Variants in WDR5 observed in about 807,000 individuals in gnomAD.
WDR5 encodes the protein WD repeat-containing protein 5.
For synonymous variants in WDR5, 144 were observed against 161.6 expected (o/e 0.89, Z 0.83); for missense variants, 187 against 416.9 (o/e 0.45, Z 4.80).
At chr9:134,140,627 G>C in intron 2 of WDR5, 76 bp from the exon 3 acceptor site, 1 of 1,178,750 alleles carries the variant, frequency 8.5e-7, no homozygotes, top group South Asian at 1.2e-5. Flanking sequence ...ATTAAATGGT[G>C]GGAGTCAAAA....
intron 12 of WDR5, 152 bp downstream of exon 12, chr9:134,155,919 G>T (rs1273615931): frequency 2.8e-6 from 2 of 721,814 alleles, no homozygotes; most frequent in South Asian, 1.8e-5. Flanking sequence ...GCCAAGTACC[G>T]GGGACACCTT....
At chr9:134,139,295 G>T (rs760604394) in intron 1 of WDR5, among the ~76,000 whole-genome samples, 1 of 152,136 alleles carries the variant, frequency 6.6e-6, no homozygotes, top group Admixed American at 6.6e-5. Flanking sequence ...AGGCACTGGA[G>T]CCCCCCCATG....
At chr9:134,154,585 C>T (rs1157745915) in intron 10 of WDR5, 44 bp downstream of exon 10, 2 of 1,597,018 alleles carry the variant, frequency 1.3e-6, no homozygotes, top group South Asian at 2.2e-5. Flanking sequence ...GTGGCCTCCC[C>T]AGCCAGAGAC....
intron 3 of WDR5, among the ~76,000 whole-genome samples, chr9:134,141,127 CA>C (rs1462745745): frequency 6.6e-6 from 1 of 151,948 alleles, no homozygotes; most frequent in African/African-American, 2.4e-5. Flanking sequence ...ATTAAAAATA[CA>C]AAAAAAGATT....
chr9:134,141,322 C>G (rs906610863), intron 3 of WDR5, among the ~76,000 whole-genome samples, 188 bp from the exon 4 acceptor site: 1 of 151,968 alleles, frequency 6.6e-6, no homozygotes, highest in African/African-American at 2.4e-5. Flanking sequence ...AGAAATTGCC[C>G]GTGGACCCTG....
At chr9:134,155,670 C>T in intron 11 of WDR5, 23 bp from the exon 12 acceptor site, 1 of 1,611,450 alleles carries the variant, frequency 6.2e-7, no homozygotes, top group Non-Finnish European at 8.5e-7. Flanking sequence ...ACTCTGTGAC[C>T]AGCCTGTCCC....
Position 134,158,302 on chromosome 9 carries a change from A to G in WDR5, c.*309A>G. On this transcript the variant is annotated 3_prime_UTR_variant, in exon 14 of 14. Coordinates refer to ENST00000358625, the MANE Select transcript of WDR5 (RefSeq NM_017588.3). ...ACAGAAGGGTGAAGTTCAATTTAAC[A>G]TGCGTTGTGTTTTTTCAGTAAACGT... 1 of 228,952 alleles carries G rather than the reference A, an allele frequency of 4.4e-6. No homozygotes were observed. The highest frequency in any genetic ancestry group is 8.6e-6 in the Non-Finnish European group (1 of 116,698). The allele number at this position is 228,952 out of a possible 1,614,324, so 14.2% of individuals were successfully genotyped here.
In WDR5 at chr9:134,157,580, CCTT is replaced by C. The variant is rs1588182700; in HGVS notation, c.905-312_905-310del. Among the ~76,000 whole-genome samples the C allele has an allele frequency of 6.6e-6, 1 of 152,140 alleles. No homozygotes were observed. Among genetic ancestry groups the C allele is most frequent in the East Asian group, 1.9e-4 (1 of 5,172 alleles). ...GAGCCAGTCCTGCTGCCGCGCTCCT[CCTT>C]GTGGGCGCCGAGCTGCTGTTGGTGG... On this transcript the variant is annotated intron_variant, in intron 13 of 13. Transcript: ENST00000358625. The surrounding 1 kb of genome is among the most constrained non-coding windows in gnomAD (Gnocchi z 5.0).
In WDR5 at chr9:134,157,920, C is replaced by T. The variant is rs1467105711; in HGVS notation, c.932C>T (p.Pro311Leu). 2 of 1,614,158 alleles carry T rather than the reference C, an allele frequency of 1.2e-6. No homozygotes were observed. Among genetic ancestry groups the T allele is most frequent in the Non-Finnish European group, 1.7e-6 (2 of 1,180,000 alleles). ...TDVVISTACH[P>L]TENIIASAAL... Reference sequence around the variant, plus strand: ...GTCGTGATCTCAACAGCTTGTCACCCAACAGAAAACATCATCGCCTCTGCT... The same window carrying T: ...GTCGTGATCTCAACAGCTTGTCACCTAACAGAAAACATCATCGCCTCTGCT... Residue 311 changes from proline to leucine, a missense_variant, in exon 14 of 14, where the codon CCA becomes CTA. Coordinates refer to ENST00000358625, the MANE Select transcript of WDR5 (RefSeq NM_017588.3). This position sits in a 1 kb window ranked among gnomAD's most constrained non-coding sequence, Gnocchi z 5.0.
chr9:134,139,733 G>A (rs1831776230), intron 1 of WDR5, 87 bp from the exon 2 acceptor site: 1 of 860,510 alleles, frequency 1.2e-6, no homozygotes, highest in Admixed American at 2.6e-5. Context: ...GTAGTCAAAT[G>A]TTTTTCTTTT....
Position 134,157,987 on chromosome 9 carries a change from C to T in WDR5, c.999C>T (p.Asp333=). The change falls in exon 14 of 14, where the codon GAC becomes GAT. Residue 333 remains aspartate, a synonymous_variant. Coordinates refer to ENST00000358625, the MANE Select transcript of WDR5 (RefSeq NM_017588.3). This position sits in a 1 kb window ranked among gnomAD's most constrained non-coding sequence, Gnocchi z 5.0. ...NDKTIKLWKS[D]C Reference sequence around the variant, plus strand: ...AAACAATTAAACTGTGGAAGAGTGACTGCTAAGTCCCTTTGCTCCTGCCCG... The same window carrying T: ...AAACAATTAAACTGTGGAAGAGTGATTGCTAAGTCCCTTTGCTCCTGCCCG... The T allele has an allele frequency of 8.1e-6, 13 of 1,613,966 alleles. No individual in the cohort carries two copies. Among genetic ancestry groups the T allele is most frequent in the South Asian group, 1.1e-5 (1 of 91,082 alleles).
At chr9:134,141,621 A>G (rs1286238183) in intron 4 of WDR5, 38 bp downstream of exon 4, 1 of 1,607,082 alleles carries the variant, frequency 6.2e-7, no homozygotes, top group South Asian at 1.1e-5. Context: ...TGACTGTTGA[A>G]CAGGGTGGCT....
At chr9:134,137,667 C>CAAAAAAAAAAAAAAAAAA (rs139470012) in intron 1 of WDR5, among the ~76,000 whole-genome samples, 2 of 93,392 alleles carry the variant, frequency 2.1e-5, no homozygotes, top group Non-Finnish European at 4.1e-5. Context: ...GACTGTGTCT[C>CAAAAAAAAAAAAAAAAAA]AAAAAAAAAA....
chr9:134,146,140 T>C (rs933383629), intron 7 of WDR5, among the ~76,000 whole-genome samples: 40 of 151,570 alleles, frequency 2.6e-4, no homozygotes, highest in Admixed American at 4.6e-4. Context: ...AATTTTTTTT[T>C]ATATTTTTAG....
intron 7 of WDR5, among the ~76,000 whole-genome samples, chr9:134,147,315 C>A (rs1832258002): frequency 6.6e-6 from 1 of 152,176 alleles, no homozygotes; most frequent in South Asian, 2.1e-4. Context: ...TTCTTGGACT[C>A]CCCCTCCTGG....
chr9:134,156,700 C>T (rs1192690989), intron 13 of WDR5, 107 bp downstream of exon 13: 2 of 1,084,656 alleles, frequency 1.8e-6, no homozygotes, highest in Non-Finnish European at 2.7e-6. Context: ...CCCCTTCCCA[C>T]CTCAGCCCTC....
intron 2 of WDR5, 96 bp downstream of exon 2, chr9:134,140,054 T>C: frequency 2.2e-6 from 3 of 1,394,268 alleles, no homozygotes; most frequent in Non-Finnish European, 3.0e-6. Context: ...TCTTCCCTAC[T>C]CAGTTAAATG....
chr9:134,142,099 G>C, intron 5 of WDR5, 61 bp downstream of exon 5: 2 of 1,521,830 alleles, frequency 1.3e-6, no homozygotes, highest in Admixed American at 3.4e-5. Flanking sequence ...GGGCAGGTGC[G>C]GGGGACTGAG....
At chr9:134,143,760 C>T (rs1832022389) in intron 7 of WDR5, among the ~76,000 whole-genome samples, 1 of 151,820 alleles carries the variant, frequency 6.6e-6, no homozygotes, top group Admixed American at 6.5e-5. Flanking sequence ...CGTGATCCTC[C>T]CGCCTTGGCC....
Sources: gnomAD v4.1 joint callset for allele counts (sites outside exome capture counted in the v4.1 genomes callset) on GRCh38, gnomAD v4.1.1 for gene constraint, Gnocchi (gnomAD v3.1) non-coding constraint, MANE v1.5 for transcripts, NCBI Gene and HGNC (gene_info 2026-07-23, HGNC 2026-07-21) for gene names.